PUDP: variants seen among roughly 807,000 people sequenced by gnomAD.
PUDP encodes pseudouridine 5'-phosphatase.
A neutral mutation model predicts 9.4 loss-of-function variants in PUDP; 8 were observed. The observed-to-expected ratio is 0.85, with a 90% confidence interval of 0.50 to 1.53. PUDP has a LOEUF of 1.53. PUDP is among the 40% of genes most tolerant of loss of function. The pLI is 0.00. For missense variants in PUDP, 188 were observed against 189.7 expected (o/e 0.99, Z 0.05); for synonymous variants, 99 against 80.7 (o/e 1.23, Z -1.22).
intron 3 of PUDP, among the ~76,000 whole-genome samples, chrX:6,742,720 A>G (rs57537356): frequency 0.049 from 5,511 of 111,834 alleles, 153 homozygotes; most frequent in African/African-American, 0.075. Flanking sequence ...GGCTGCAGTG[A>G]ACCATGCTTA....
At chrX:7,114,583 C>T (rs1360004485) in intron 1 of PUDP, among the ~76,000 whole-genome samples, 1 of 111,660 alleles carries the variant, frequency 9.0e-6, no homozygotes, top group African/African-American at 3.3e-5. Flanking sequence ...AGAGAACAAA[C>T]GTTCAAACCA....
chrX:7,138,268 T>C (rs375008514), intron 1 of PUDP, among the ~76,000 whole-genome samples: 2 of 111,709 alleles, frequency 1.8e-5, no homozygotes, highest in East Asian at 5.6e-4. Flanking sequence ...GGATGTGTGC[T>C]TGCAGGATGG....
At chrX:7,045,115 C>A (rs1929968222), downstream of PUDP, among the ~76,000 whole-genome samples, 1 of 112,246 alleles carries the variant, frequency 8.9e-6, no homozygotes, top group Non-Finnish European at 1.9e-5. Context: ...CCATGCTGTT[C>A]TCATGACAGT....
chrX:7,035,901 A>G (rs1343482485), intron 1 of PUDP, among the ~76,000 whole-genome samples: 1 of 111,728 alleles, frequency 9.0e-6, no homozygotes, highest in Non-Finnish European at 1.9e-5. Context: ...CATTGAATAG[A>G]TTAATGTCCT....
At chrX:7,131,690 A>C (rs1399939893) in intron 1 of PUDP, among the ~76,000 whole-genome samples, 1 of 108,442 alleles carries the variant, frequency 9.2e-6, no homozygotes, top group Non-Finnish European at 1.9e-5. Flanking sequence ...ACAGCCTTCT[A>C]CCAGTCTCCA....
intron 3 of PUDP, among the ~76,000 whole-genome samples, chrX:6,831,953 T>C (rs768245800): frequency 5.4e-5 from 6 of 111,779 alleles, no homozygotes; most frequent in Non-Finnish European, 1.1e-4. Flanking sequence ...AAGCCAATCA[T>C]ATATTTTATT....
At chrX:6,983,282 G>A (rs1300757246) in intron 1 of PUDP, among the ~76,000 whole-genome samples, 4 of 111,300 alleles carry the variant, frequency 3.6e-5, no homozygotes, top group African/African-American at 1.3e-4. Flanking sequence ...GGTGGGTAGG[G>A]GGACAGTGAA....
chrX:7,077,237 G>A lies in PUDP; in HGVS notation c.493C>T (p.Pro165Ser), dbSNP rs3747386. The A allele has an allele frequency of 2.5e-6, 3 of 1,195,752 alleles. No individual in the cohort carries two copies. The highest frequency in any genetic ancestry group is 2.3e-4 in the Middle Eastern group (1 of 4,286). Reference sequence around the variant, plus strand: ...CCACTTACCTTCTCCATAGCAGGAGGGGGAGAGAACCTCTTGGCACAAGCT... The same window carrying A: ...CCACTTACCTTCTCCATAGCAGGAGAGGGAGAGAACCTCTTGGCACAAGCT... The part of the protein sequence containing the change: ...FLACAKRFSP[P>S]PAMEKCLVFE... Residue 165 changes from proline (P) to serine (S), a missense_variant, in exon 3 of 4, where the codon CCT becomes TCT. Pro to Ser is a moderately conservative substitution (Grantham distance 74, BLOSUM62 -1). Transcript: ENST00000381077.
intron 2 of PUDP, among the ~76,000 whole-genome samples, chrX:7,079,708 T>C (rs894149301): frequency 7.1e-5 from 8 of 112,811 alleles, no homozygotes; most frequent in Non-Finnish European, 1.5e-4. Flanking sequence ...ATGTAAGACA[T>C]GGGTCAAAGA....
At chrX:6,963,451 G>A (rs1243587669) in intron 3 of PUDP, among the ~76,000 whole-genome samples, 6 of 111,404 alleles carry the variant, frequency 5.4e-5, no homozygotes, top group Non-Finnish European at 9.4e-5. Context: ...AACCTGCAGG[G>A]TCCCACTCTA....
chrX:7,017,203 A>AT (rs1283947135), intron 1 of PUDP, among the ~76,000 whole-genome samples: 4 of 111,759 alleles, frequency 3.6e-5, no homozygotes, highest in East Asian at 2.8e-4. Flanking sequence ...CCAGGAGAGC[A>AT]TTTTTTCTGA....
At chrX:6,873,719 C>T (rs937142790) in intron 3 of PUDP, among the ~76,000 whole-genome samples, 1 of 111,812 alleles carries the variant, frequency 8.9e-6, no homozygotes, top group African/African-American at 3.2e-5. Context: ...CCACTTTTTA[C>T]GAGCACTATA....
intron 1 of PUDP, among the ~76,000 whole-genome samples, chrX:6,999,229 T>C (rs981996612): frequency 1.8e-5 from 2 of 111,428 alleles, no homozygotes; most frequent in Admixed American, 1.9e-4. Flanking sequence ...GATAAGTCCA[T>C]GGGAGCAGGG....
At chrX:6,753,320 G>C (rs776595284) in intron 3 of PUDP, among the ~76,000 whole-genome samples, 1 of 112,668 alleles carries the variant, frequency 8.9e-6, no homozygotes, top group African/African-American at 3.2e-5. Flanking sequence ...TTTTATGGCT[G>C]AGTAGTATTC....
chrX:7,002,594 G>A (rs1257519178), intron 1 of PUDP, among the ~76,000 whole-genome samples: 1 of 111,217 alleles, frequency 9.0e-6, no homozygotes, highest in Admixed American at 9.5e-5. Flanking sequence ...GCTTTGAAAT[G>A]ATCCTTGCAG....
At chrX:7,097,582 T>G (rs1005866790) in intron 2 of PUDP, among the ~76,000 whole-genome samples, 4 of 111,698 alleles carry the variant, frequency 3.6e-5, no homozygotes, top group Non-Finnish European at 7.5e-5. Context: ...GGGTTTTCAC[T>G]TGGATGCTGC....
chrX:7,145,796 G>A (rs1343946124), intron 1 of PUDP, among the ~76,000 whole-genome samples: 7 of 111,331 alleles, frequency 6.3e-5, no homozygotes, highest in African/African-American at 1.3e-4. Flanking sequence ...ACTTCCCCAA[G>A]TATGCAAGTA....
intron 1 of PUDP, among the ~76,000 whole-genome samples, chrX:7,121,214 C>CA (rs1256158896): frequency 8.9e-6 from 1 of 112,122 alleles, no homozygotes; most frequent in East Asian, 2.8e-4. Flanking sequence ...CCCTGAATGA[C>CA]AAAAAATACC....
rs1044191491 is a variant in PUDP at position 6,944,059 on chromosome X, C to T, written c.*247+33074G>A. On this transcript the variant is annotated intron_variant and NMD_transcript_variant, in intron 3 of 3. Coordinates refer to the PUDP transcript ENST00000655425. ...GTGGAATTACATGGTTTGGCTGAGT[C>T]CCCACCCAAATCTCCTCTTGAACTG... Among the ~76,000 whole-genome samples, 3 of 111,693 alleles carry T rather than the reference C, an allele frequency of 2.7e-5. No individual in the cohort carries two copies. In the Admixed American group the frequency reaches 2.9e-4, roughly 11 times the overall value.
Sources: allele counts gnomAD v4.1 joint callset (sites outside exome capture counted in the v4.1 genomes callset), GRCh38; gene constraint gnomAD v4.1.1; transcripts MANE v1.5; gene names NCBI Gene and HGNC (gene_info 2026-07-23, HGNC 2026-07-21).